CCDC3: variants seen among roughly 807,000 people sequenced by gnomAD.
CCDC3 encodes coiled-coil domain containing 3, also known as coiled-coil domain-containing protein 3.
CCDC3 carries 24 observed loss-of-function variants against 21.4 expected under a neutral mutation model. That is an observed-to-expected ratio of 1.12 (90% CI 0.81 to 1.58). The LOEUF is 1.58. Ranked by LOEUF, CCDC3 falls within the 40% of genes most tolerant of loss-of-function variation. The pLI, the probability that CCDC3 is intolerant of heterozygous loss-of-function variation, is 0.00. For synonymous variants in CCDC3, 186 were observed against 166.0 expected (o/e 1.12, Z -0.93); for missense variants, 425 against 360.9 (o/e 1.18, Z -1.44).
intron 2 of CCDC3, among the ~76,000 whole-genome samples, chr10:12,957,513 C>T (rs1835108597): frequency 6.6e-6 from 1 of 152,216 alleles, no homozygotes; most frequent in Non-Finnish European, 1.5e-5. Flanking sequence ...GCCGCAGTCT[C>T]ACGTGGAACT....
chr10:12,969,687 T>G (rs1288341443), intron 2 of CCDC3, among the ~76,000 whole-genome samples: 2 of 149,340 alleles, frequency 1.3e-5, no homozygotes, highest in African/African-American at 4.9e-5. Flanking sequence ...TTTAGAAATT[T>G]TTTAATATTT....
intron 2 of CCDC3, among the ~76,000 whole-genome samples, chr10:12,937,703 G>C (rs977147830): frequency 6.6e-6 from 1 of 152,226 alleles, no homozygotes; most frequent in African/African-American, 2.4e-5. Flanking sequence ...GACAGTATGT[G>C]TGACTCAGAA....
intron 5 of CCDC3, among the ~76,000 whole-genome samples, chr10:13,023,681 C>T (rs971777977): frequency 6.6e-6 from 1 of 152,130 alleles, no homozygotes; most frequent in Non-Finnish European, 1.5e-5. Flanking sequence ...ACTCTCTGGT[C>T]TCTAATGGGC....
chr10:13,058,659 A>G, intron 4 of CCDC3: 1 of 525,230 alleles, frequency 1.9e-6, no homozygotes, highest in Non-Finnish European at 3.4e-6. Context: ...TATTTTTAAC[A>G]ACTTTAACAA....
chr10:12,909,051 C>G (rs1834222717), intron 2 of CCDC3, among the ~76,000 whole-genome samples: 1 of 152,210 alleles, frequency 6.6e-6, no homozygotes, highest in Admixed American at 6.5e-5. Flanking sequence ...CTCCATCTTC[C>G]TGGTATCCTT....
intron 5 of CCDC3, among the ~76,000 whole-genome samples, chr10:13,013,982 C>G (rs1836017092): frequency 6.6e-6 from 1 of 151,830 alleles, no homozygotes; most frequent in African/African-American, 2.4e-5. Flanking sequence ...GAAACCCCAT[C>G]TCTACTGAAA....
chr10:12,909,455 G>A (rs1375982081), intron 2 of CCDC3, among the ~76,000 whole-genome samples: 1 of 152,224 alleles, frequency 6.6e-6, no homozygotes, highest in African/African-American at 2.4e-5. Context: ...CCCATGGAGT[G>A]TGGGTGTGCC....
In CCDC3 at chr10:13,057,468, T is replaced by TAA. The variant is rs111356560; in HGVS notation, c.-269-7529_-269-7528dup. On this transcript the variant is annotated intron_variant, in intron 4 of 6. Coordinates refer to the CCDC3 transcript ENST00000378839. ...GACAGTGTTTCTTCTTTTGTTTTCT[T>TAA]AAAAAAAAAAATCTAAATCCATATG... 8.1e-4 allele frequency among the ~76,000 whole-genome samples: 121 copies of TAA among 149,454 alleles called. 2 individuals carry two copies. Among genetic ancestry groups the TAA allele is most frequent in the South Asian group, 1.7e-3 (8 of 4,726 alleles).
At chr10:13,058,670 A>T (rs1836713911) in intron 4 of CCDC3, 1 of 498,434 alleles carries the variant, frequency 2.0e-6, no homozygotes, top group Non-Finnish European at 3.6e-6. Flanking sequence ...ACTTTAACAA[A>T]CCCCACCCTG....
At chr10:12,981,971 A>G (rs1017358346) in intron 2 of CCDC3, among the ~76,000 whole-genome samples, 1 of 151,682 alleles carries the variant, frequency 6.6e-6, no homozygotes, top group Non-Finnish European at 1.5e-5. Context: ...AAAAATACAA[A>G]AATTAGCTGG....
chr10:12,990,988 G>A (rs1387474118), intron 2 of CCDC3, among the ~76,000 whole-genome samples: 1 of 152,190 alleles, frequency 6.6e-6, no homozygotes, highest in Non-Finnish European at 1.5e-5. Flanking sequence ...CACTTAACAG[G>A]TGCTCAAATA....
At chr10:13,056,157 T>A (rs1425279448) in intron 4 of CCDC3, among the ~76,000 whole-genome samples, 2 of 152,130 alleles carry the variant, frequency 1.3e-5, no homozygotes, top group African/African-American at 4.8e-5. Context: ...TAGATCCAAG[T>A]CAATGCAGGG....
chr10:13,078,574 G>A (rs188262437), intron 3 of CCDC3, among the ~76,000 whole-genome samples: 316 of 152,136 alleles, frequency 2.1e-3, no homozygotes, highest in African/African-American at 7.3e-3. Flanking sequence ...TGTTTATTGC[G>A]GCACTATTCA....
chr10:13,058,486 A>G (rs574102983), intron 4 of CCDC3: 1 of 751,482 alleles, frequency 1.3e-6, no homozygotes, highest in South Asian at 1.4e-5. Flanking sequence ...GGCCTAAGCA[A>G]TCTGACAAAT....
chr10:13,024,779 A>G (rs1836193704), intron 5 of CCDC3, among the ~76,000 whole-genome samples: 1 of 152,182 alleles, frequency 6.6e-6, no homozygotes, highest in Non-Finnish European at 1.5e-5. Flanking sequence ...AGCCAGGTCC[A>G]CAAGTTTATT....
In CCDC3 at chr10:12,911,700, TCAAA is replaced by T. The variant is rs1412175475; in HGVS notation, c.550-13025_550-13022del. Among the ~76,000 whole-genome samples the T allele has an allele frequency of 2.0e-5, 3 of 152,344 alleles. No homozygotes were observed. The South Asian group carries it at 6.2e-4, about 32-fold the overall frequency. ...ACTTAAAATCTATTTTTAACAATGT[TCAAA>T]CATACATTGTATTGTTATTAACTGT... On this transcript the variant is annotated intron_variant, in intron 2 of 2. Transcript: ENST00000378825.
chr10:12,943,832 C>T (rs1250428792), intron 2 of CCDC3, among the ~76,000 whole-genome samples: 1 of 151,906 alleles, frequency 6.6e-6, no homozygotes, highest in African/African-American at 2.4e-5. Context: ...TTTTCTCTTT[C>T]TCTCTATTAA....
upstream of CCDC3, among the ~76,000 whole-genome samples, chr10:13,004,950 G>C (rs1835908572): frequency 6.6e-6 from 1 of 152,026 alleles, no homozygotes. Context: ...CTTCACACTT[G>C]GTAACCGTTA....
intron 2 of CCDC3, among the ~76,000 whole-genome samples, chr10:12,995,251 CTT>C (rs1835743729): frequency 6.6e-6 from 1 of 152,032 alleles, no homozygotes; most frequent in South Asian, 2.1e-4. Context: ...TCTTGTTTTG[CTT>C]TGTTTTGAGA....
Sources: allele counts gnomAD v4.1 joint callset (sites outside exome capture counted in the v4.1 genomes callset), GRCh38; gene constraint gnomAD v4.1.1; transcripts MANE v1.5; gene names NCBI Gene and HGNC (gene_info 2026-07-23, HGNC 2026-07-21).